Variants in SYT1 observed in about 807,000 individuals in gnomAD.
SYT1 encodes synaptotagmin-1.
A neutral mutation model predicts 44.8 loss-of-function variants in SYT1; 8 were observed. That is an observed-to-expected ratio of 0.18 (90% CI 0.10 to 0.32). SYT1 has a LOEUF of 0.32. Among genes scored for constraint, SYT1 ranks in the 10% least tolerant of loss-of-function variants. The probability of loss-of-function intolerance (pLI) is 1.00; values close to 1 mark genes in which losing one functional copy is unlikely to be tolerated. For missense variants in SYT1, 286 were observed against 509.3 expected, an observed-to-expected ratio of 0.56 and a Z score of 4.22; for synonymous variants, 154 against 188.8, an observed-to-expected ratio of 0.82 and a Z score of 1.51.
At chr12:79,336,605 C>G (rs1882100824) in intron 8 of SYT1, among the ~76,000 whole-genome samples, 1 of 152,012 alleles carries the variant, frequency 6.6e-6, no homozygotes, top group African/African-American at 2.4e-5. Context: ...GCTTTGGCCC[C>G]CTCTGACCTC....
chr12:78,916,121 C>A (rs924640830), intron 1 of SYT1, among the ~76,000 whole-genome samples: 3 of 151,952 alleles, frequency 2.0e-5, no homozygotes, highest in African/African-American at 7.2e-5. Flanking sequence ...ACGGAAGACT[C>A]CGGTTTCAGT....
At chr12:79,372,533 A>T (rs1883832340) in intron 9 of SYT1, among the ~76,000 whole-genome samples, 1 of 152,170 alleles carries the variant, frequency 6.6e-6, no homozygotes, top group African/African-American at 2.4e-5. Flanking sequence ...GCCCAATATT[A>T]CAGCTAGTTC....
chr12:78,888,689 A>C (rs2137069409), intron 1 of SYT1, among the ~76,000 whole-genome samples: 1 of 151,948 alleles, frequency 6.6e-6, no homozygotes, highest in East Asian at 2.0e-4. Context: ...TTTACTTTTT[A>C]TAGTTCAGCA....
chr12:78,950,020 T>C (rs1878879623), intron 1 of SYT1, among the ~76,000 whole-genome samples: 1 of 151,988 alleles, frequency 6.6e-6, no homozygotes, highest in African/African-American at 2.4e-5. Context: ...TAACCCACAA[T>C]TCTCCAATTA....
intron 9 of SYT1, among the ~76,000 whole-genome samples, chr12:79,432,021 T>G (rs1395260368): frequency 1.3e-5 from 2 of 152,180 alleles, no homozygotes; most frequent in Admixed American, 6.5e-5. Flanking sequence ...AGAATCACAT[T>G]TGGTCATCAA....
chr12:79,150,263 T>C (rs1442674639), intron 3 of SYT1, among the ~76,000 whole-genome samples: 1 of 152,180 alleles, frequency 6.6e-6, no homozygotes, highest in Non-Finnish European at 1.5e-5. Flanking sequence ...AATAGAATAC[T>C]ATTCAGCCAT....
chr12:78,929,752 A>G (rs1420069866), intron 1 of SYT1, among the ~76,000 whole-genome samples: 1 of 152,188 alleles, frequency 6.6e-6, no homozygotes, highest in Non-Finnish European at 1.5e-5. Context: ...AATAATTACC[A>G]ACCTAAAAGA....
At chr12:79,131,743 C>T (rs1479277620) in intron 3 of SYT1, among the ~76,000 whole-genome samples, 1 of 152,066 alleles carries the variant, frequency 6.6e-6, no homozygotes, top group Non-Finnish European at 1.5e-5. Context: ...CAAATCTATA[C>T]TGATAATATA....
Position 79,064,483 on chromosome 12 carries a change from C to T in SYT1, c.-18+17121C>T, listed in dbSNP as rs935533963. On this transcript the variant is annotated intron_variant, in intron 3 of 10. Transcript: ENST00000261205. Reference sequence around the variant, plus strand: ...TAAATGTTTCTCTTTCCACTAATTTCAAAGTCTATTTTTCTTATTACTAAA... The same window carrying T: ...TAAATGTTTCTCTTTCCACTAATTTTAAAGTCTATTTTTCTTATTACTAAA... 3.9e-5 allele frequency among the ~76,000 whole-genome samples: 6 copies of T among 152,148 alleles called. No individual in the cohort carries two copies. In the South Asian group the frequency reaches 1.2e-3, roughly 32 times the overall value.
intron 4 of SYT1, among the ~76,000 whole-genome samples, chr12:79,282,060 C>G (rs1370560600): frequency 1.3e-5 from 2 of 152,202 alleles, no homozygotes; most frequent in East Asian, 3.9e-4. Flanking sequence ...ATCTCCCTCT[C>G]TCTCTTGGAC....
chr12:79,168,823 T>G (rs190996491), intron 3 of SYT1, among the ~76,000 whole-genome samples: 1 of 152,140 alleles, frequency 6.6e-6, no homozygotes, highest in East Asian at 1.9e-4. Context: ...GCAGATAACA[T>G]TTTCTAATTT....
At chr12:79,321,788 A>C (rs1881372713) in intron 8 of SYT1, among the ~76,000 whole-genome samples, 1 of 152,236 alleles carries the variant, frequency 6.6e-6, no homozygotes, top group Non-Finnish European at 1.5e-5. Context: ...TCAGATCCTC[A>C]TGTTGAGCAC....
intron 3 of SYT1, among the ~76,000 whole-genome samples, chr12:79,162,177 CA>C (rs1870989254): frequency 6.6e-6 from 1 of 152,068 alleles, no homozygotes; most frequent in Admixed American, 6.6e-5. Context: ...AGAACTATTG[CA>C]AAATGGAGAG....
chr12:79,312,875 T>C (rs980662735), intron 8 of SYT1, among the ~76,000 whole-genome samples: 4 of 151,894 alleles, frequency 2.6e-5, no homozygotes, highest in Non-Finnish European at 5.9e-5. Flanking sequence ...TAAAGTCATG[T>C]GTAACTAACT....
intron 3 of SYT1, among the ~76,000 whole-genome samples, chr12:79,120,931 A>G (rs1239914980): frequency 3.4e-5 from 5 of 146,820 alleles, no homozygotes; most frequent in Admixed American, 3.4e-4. Flanking sequence ...TTGTGTATGT[A>G]TATATATCTA....
intron 8 of SYT1, among the ~76,000 whole-genome samples, chr12:79,338,226 T>A (rs975147663): frequency 6.6e-6 from 1 of 152,022 alleles, no homozygotes. Flanking sequence ...AGAGAAATCA[T>A]CCATATTCCA....
Position 79,386,329 on chromosome 12 carries a change from T to C in SYT1, c.928+32710T>C, listed in dbSNP as rs1440818766. 2.0e-5 allele frequency among the ~76,000 whole-genome samples: 3 copies of C among 151,922 alleles called. No individual in the cohort carries two copies. The East Asian group carries it at 5.8e-4, about 29-fold the overall frequency. ...TTTTGGGTTTTTTTTTTTCCTTCCT[T>C]AGTATTCATTAGTTTTCTTTTTTCT... On this transcript the variant is annotated intron_variant, in intron 9 of 10. Coordinates refer to ENST00000261205, the MANE Select transcript of SYT1 (RefSeq NM_005639.3).
intron 1 of SYT1, among the ~76,000 whole-genome samples, chr12:78,965,586 G>A (rs1879725936): frequency 6.6e-6 from 1 of 152,056 alleles, no homozygotes; most frequent in Admixed American, 6.6e-5. Context: ...TAGTCTTTGA[G>A]GGAAACCACT....
intron 1 of SYT1, among the ~76,000 whole-genome samples, chr12:78,962,974 C>T (rs771336963): frequency 1.3e-5 from 2 of 152,094 alleles, no homozygotes; most frequent in Non-Finnish European, 2.9e-5. Context: ...TCCCCTTGCC[C>T]CTAGTCTCGG....
Sources: allele counts gnomAD v4.1 joint callset (sites outside exome capture counted in the v4.1 genomes callset), GRCh38; gene constraint gnomAD v4.1.1; transcripts MANE v1.5; gene names NCBI Gene and HGNC (gene_info 2026-07-23, HGNC 2026-07-21).